The following RORB variants were observed in gnomAD, a reference collection of about 807,000 sequenced individuals.
RORB encodes the protein nuclear receptor ROR-beta.
A neutral mutation model predicts 59.1 loss-of-function variants in RORB; 6 were observed. The ratio of observed to expected loss-of-function variants is 0.10; its 90% CI spans 0.06 to 0.20. The LOEUF is 0.20. RORB is among the 10% of genes least tolerant of loss of function. RORB has a pLI of 1.00. For missense variants in RORB, 320 were observed against 560.5 expected, an observed-to-expected ratio of 0.57 and a Z score of 4.33; for synonymous variants, 215 against 204.5, an observed-to-expected ratio of 1.05 and a Z score of -0.44.
intron 1 of RORB, among the ~76,000 whole-genome samples, chr9:74,565,456 A>G (rs937047194): frequency 6.6e-6 from 1 of 152,170 alleles, no homozygotes; most frequent in Middle Eastern, 3.2e-3. Flanking sequence ...GTCACTGTTC[A>G]TTGCCAGCTC....
At chr9:74,515,609 T>A (rs1053096336) in intron 1 of RORB, among the ~76,000 whole-genome samples, 19 of 151,972 alleles carry the variant, frequency 1.3e-4, no homozygotes, top group African/African-American at 4.6e-4. Context: ...TTCCCTCCCA[T>A]GAAAAAATAT....
chr9:74,615,375 C>A (rs1255009803), intron 1 of RORB, among the ~76,000 whole-genome samples: 1 of 152,118 alleles, frequency 6.6e-6, no homozygotes. Flanking sequence ...TAAGTAGCAT[C>A]AAAAAGAAAA....
chr9:74,563,817 T>C (rs1045408131), intron 1 of RORB, among the ~76,000 whole-genome samples: 3 of 152,090 alleles, frequency 2.0e-5, no homozygotes, highest in Admixed American at 2.0e-4. Context: ...AAGCAAGTCT[T>C]AGAGGGATGC....
At chr9:74,657,222 TTA>T (rs763207474) in intron 4 of RORB, among the ~76,000 whole-genome samples, 1 of 151,968 alleles carries the variant, frequency 6.6e-6, no homozygotes, top group Non-Finnish European at 1.5e-5. Flanking sequence ...ATTTATTTAT[TTA>T]TTTATTTATT....
At chr9:74,678,404 T>G (rs1341521408) in intron 9 of RORB, among the ~76,000 whole-genome samples, 1 of 152,212 alleles carries the variant, frequency 6.6e-6, no homozygotes, top group Non-Finnish European at 1.5e-5. Flanking sequence ...CCTATGCTTG[T>G]TTCTAGCATA....
At chr9:74,557,615 G>C (rs1822327079) in intron 1 of RORB, among the ~76,000 whole-genome samples, 1 of 152,044 alleles carries the variant, frequency 6.6e-6, no homozygotes, top group Non-Finnish European at 1.5e-5. Flanking sequence ...TTATGATTTG[G>C]ACTAAGGAAA....
chr9:74,531,924 T>A (rs901319847), intron 1 of RORB, among the ~76,000 whole-genome samples: 2 of 151,958 alleles, frequency 1.3e-5, no homozygotes, highest in Non-Finnish European at 2.9e-5. Flanking sequence ...ATCATTGCCA[T>A]TTAAAGTTAC....
chr9:74,661,763 G>A (rs1371461788), intron 5 of RORB, among the ~76,000 whole-genome samples: 1 of 142,146 alleles, frequency 7.0e-6, no homozygotes, highest in Non-Finnish European at 1.5e-5. Flanking sequence ...TCCTGCCTCA[G>A]CCTCCCGAGT....
At chr9:74,519,122 T>A (rs1290399348) in intron 1 of RORB, among the ~76,000 whole-genome samples, 1 of 151,962 alleles carries the variant, frequency 6.6e-6, no homozygotes, top group Non-Finnish European at 1.5e-5. Context: ...CCTATTTTCA[T>A]AGGAATATGA....
rs1823675102 is a variant in RORB at position 74,634,769 on chromosome 9, G to A, written c.232G>A (p.Asp78Asn). Residue 78 changes from aspartate (D) to asparagine (N), a missense_variant, in exon 3 of 10, where the codon GAT (aspartate) becomes AAT (asparagine). Asp to Asn is a conservative substitution (Grantham distance 23, BLOSUM62 1). Around this residue, in one of 4 missense-constraint regions of RORB, gnomAD observed 37 missense variants for 116.4 expected, o/e 0.32. Coordinates refer to ENST00000376896, the MANE Select transcript of RORB (RefSeq NM_006914.4). ...GTGTCTTGCCCTAGGAATGTCAAGAGATGGTAAGACATTACCTTCCTGTTT... is the reference window on the plus strand; with the variant it reads ...GTGTCTTGCCCTAGGAATGTCAAGAAATGGTAAGACATTACCTTCCTGTTT... ...QKCLALGMSR[D>N]AVKFGRMSKK... The A allele has an allele frequency of 6.2e-7, 1 of 1,611,708 alleles. No individual in the cohort carries two copies. The highest frequency in any genetic ancestry group is 1.3e-5 in the African/African-American group (1 of 74,880).
At chr9:74,519,795 C>T (rs929903095) in intron 1 of RORB, among the ~76,000 whole-genome samples, 19 of 152,024 alleles carry the variant, frequency 1.2e-4, no homozygotes, top group Admixed American at 1.2e-3. Flanking sequence ...TTAAATGTGT[C>T]TTCCCAAGGA....
rs1488009664 is a variant in RORB at position 74,563,183 on chromosome 9, TC to T, written c.7+65201del. On this transcript the variant is annotated intron_variant, in intron 1 of 9. Transcript: ENST00000376896. ...GCCTTCAGTTGTCATGTCTCTTCAGTCTTTTTTTTTTTTTTTTTTTTTGATG... is the reference window on the plus strand; with the variant it reads ...GCCTTCAGTTGTCATGTCTCTTCAGTTTTTTTTTTTTTTTTTTTTTTGATG... Among the ~76,000 whole-genome samples the T allele has an allele frequency of 1.0e-4, 15 of 148,734 alleles. No homozygotes were observed. In the South Asian group the frequency reaches 1.9e-3, roughly 19 times the overall value.
chr9:74,609,852 G>A (rs543156718), intron 1 of RORB, among the ~76,000 whole-genome samples: 4 of 152,246 alleles, frequency 2.6e-5, no homozygotes, highest in Admixed American at 1.3e-4. Context: ...GGCAATATTT[G>A]GAAACCTGTT....
At chr9:74,587,187 G>A (rs1481833378) in intron 1 of RORB, among the ~76,000 whole-genome samples, 2 of 152,124 alleles carry the variant, frequency 1.3e-5, no homozygotes, top group Non-Finnish European at 2.9e-5. Flanking sequence ...AACGGTTTCA[G>A]GATTTGAGCT....
At chr9:74,629,649 A>G (rs1823583189) in intron 1 of RORB, among the ~76,000 whole-genome samples, 1 of 152,016 alleles carries the variant, frequency 6.6e-6, no homozygotes, top group Non-Finnish European at 1.5e-5. Context: ...ATTTATCCTG[A>G]TTTCTCCATG....
rs145288322 is a variant in RORB at position 74,625,429 on chromosome 9, C to T, written c.8-4853C>T. Among the ~76,000 whole-genome samples the T allele has an allele frequency of 3.3e-5, 5 of 152,260 alleles. 1 individual carries two copies. The highest frequency in any genetic ancestry group is 1.2e-4 in the African/African-American group (5 of 41,548). On this transcript the variant is annotated intron_variant, in intron 1 of 9. Coordinates refer to ENST00000376896, the MANE Select transcript of RORB (RefSeq NM_006914.4). Reference sequence around the variant, plus strand: ...AGAAGTTAGAGACCAGCCTGGACAACATAGCAAGAGTCTGTCCCTACAAAA... The same window carrying T: ...AGAAGTTAGAGACCAGCCTGGACAATATAGCAAGAGTCTGTCCCTACAAAA...
intron 1 of RORB, 22 bp downstream of exon 1, chr9:74,498,005 G>A (rs1353996291): frequency 1.2e-6 from 2 of 1,607,314 alleles, no homozygotes; most frequent in Non-Finnish European, 1.7e-6. Context: ...TGCGGGCACC[G>A]AGGCTCCCCG....
rs1172009289 is a variant in RORB, at chr9:74,685,517, C to T, written c.1279C>T (p.Leu427=). The stretch of plus-strand genomic sequence containing the variant: ...AGTTTGCAACTTGCACGGGGAGAAG[C>T]TGCAGGTATTTAAGCAATCTCATCC... ...TAVCNLHGEK[L]QVFKQSHPEI... is the part of the protein sequence containing the mutation. The change falls in exon 10 of 10, where the codon CTG becomes TTG. Residue 427 remains leucine, a synonymous_variant. Coordinates refer to ENST00000376896, the MANE Select transcript of RORB (RefSeq NM_006914.4). 1 of 1,613,364 alleles carries T rather than the reference C, an allele frequency of 6.2e-7. No homozygotes were observed. The highest frequency in any genetic ancestry group is 8.5e-7 in the Non-Finnish European group (1 of 1,179,452).
At chr9:74,522,269 A>T (rs978849115) in intron 1 of RORB, among the ~76,000 whole-genome samples, 1 of 151,722 alleles carries the variant, frequency 6.6e-6, no homozygotes, top group African/African-American at 2.4e-5. Context: ...GAACTTATTG[A>T]TTTCCACTGA....
Sources: gnomAD v4.1 joint callset for allele counts (sites outside exome capture counted in the v4.1 genomes callset) on GRCh38, gnomAD v4.1.1 for gene constraint, gnomAD v4.1.1 regional missense constraint, MANE v1.5 for transcripts, NCBI Gene and HGNC (gene_info 2026-07-23, HGNC 2026-07-21) for gene names.